PRKAR1B: variants seen among roughly 807,000 people sequenced by gnomAD.
The protein encoded by PRKAR1B is cAMP-dependent protein kinase type I-beta regulatory subunit.
PRKAR1B carries 22 observed loss-of-function variants against 46.5 expected under a neutral mutation model. The ratio of observed to expected loss-of-function variants is 0.47; its 90% confidence interval spans 0.34 to 0.68. PRKAR1B has a LOEUF of 0.68. Among genes scored for constraint, PRKAR1B ranks in the 30% least tolerant of loss-of-function variants. The pLI, the probability that PRKAR1B is intolerant of heterozygous loss-of-function variation, is 0.01. For synonymous variants in PRKAR1B, 259 were observed against 217.7 expected (o/e 1.19, Z -1.67); for missense variants, 445 against 535.6 (o/e 0.83, Z 1.67).
intron 4 of PRKAR1B, among the ~76,000 whole-genome samples, chr7:665,738 G>C (rs1269670345): frequency 1.3e-5 from 2 of 152,240 alleles, no homozygotes; most frequent in Non-Finnish European, 2.9e-5. Flanking sequence ...AGAATGGGGA[G>C]AGGGGGCCGT....
intron 8 of PRKAR1B, 122 bp downstream of exon 8, chr7:584,386 A>T: frequency 1.3e-6 from 1 of 799,320 alleles, no homozygotes; most frequent in South Asian, 1.5e-5. Context: ...GTTGCACCCC[A>T]AACCTCCATA....
intron 4 of PRKAR1B, among the ~76,000 whole-genome samples, chr7:656,510 T>C (rs929218233): frequency 5.3e-5 from 8 of 152,218 alleles, no homozygotes; most frequent in African/African-American, 1.4e-4. Flanking sequence ...TGTGGATGGA[T>C]GACTAAATGT....
At chr7:701,059 G>T (rs953142744) in intron 2 of PRKAR1B, among the ~76,000 whole-genome samples, 2 of 151,936 alleles carry the variant, frequency 1.3e-5, no homozygotes, top group Non-Finnish European at 2.9e-5. Flanking sequence ...ATGGTGGTGC[G>T]CATCTGCAAT....
At chr7:571,240 CG>C (rs1430548417) in intron 9 of PRKAR1B, among the ~76,000 whole-genome samples, 23 of 152,166 alleles carry the variant, frequency 1.5e-4, no homozygotes, top group African/African-American at 4.8e-4. Context: ...CAGCGCAGGC[CG>C]GGTCTGTCCG....
chr7:707,434 T>G (rs1780386912), intron 2 of PRKAR1B, among the ~76,000 whole-genome samples: 1 of 152,188 alleles, frequency 6.6e-6, no homozygotes, highest in African/African-American at 2.4e-5. Context: ...ACCTGCTATT[T>G]TCACTCAGCA....
At chr7:571,887 A>G (rs2128436950) in intron 9 of PRKAR1B, among the ~76,000 whole-genome samples, 1 of 152,330 alleles carries the variant, frequency 6.6e-6, no homozygotes, top group East Asian at 1.9e-4. Context: ...GGGAGCCCGC[A>G]CAGCCCTGGC....
At chr7:727,293 C>T, upstream of PRKAR1B, 1 of 1,301,684 alleles carries the variant, frequency 7.7e-7, no homozygotes, top group South Asian at 2.2e-5. Flanking sequence ...GCTGCGCCGC[C>T]GCCCTGGCGC....
At chr7:678,274 A>G (rs1778447155) in intron 3 of PRKAR1B, among the ~76,000 whole-genome samples, 1 of 152,176 alleles carries the variant, frequency 6.6e-6, no homozygotes, top group South Asian at 2.1e-4. Flanking sequence ...GTCTCAAAAA[A>G]ATAAACAAAT....
chr7:580,759 A>C (rs916790221), intron 8 of PRKAR1B, among the ~76,000 whole-genome samples: 14 of 152,000 alleles, frequency 9.2e-5, no homozygotes, highest in Non-Finnish European at 1.5e-4. Flanking sequence ...AAAAAAAAAA[A>C]AAAACAAACG....
In PRKAR1B at chr7:704,407, A is replaced by T. The variant is rs537330365; in HGVS notation, c.177+6922T>A. 5.3e-5 allele frequency among the ~76,000 whole-genome samples: 8 copies of T among 152,334 alleles called. No homozygotes were observed. In the East Asian group the frequency reaches 1.2e-3, roughly 22 times the overall value. On this transcript the variant is annotated intron_variant, in intron 2 of 10. Transcript: ENST00000537384. ...ATGAAATAATACAAACACTACAGAC[A>T]TTAAAAGGATGAGGTAATATTACTC...
chr7:647,918 G>C (rs1314037721), intron 4 of PRKAR1B, among the ~76,000 whole-genome samples: 1 of 148,698 alleles, frequency 6.7e-6, no homozygotes, highest in Non-Finnish European at 1.5e-5. Context: ...CCGGTGCTTT[G>C]AGACGCTGCT....
At chr7:654,057 A>G (rs1258228714) in intron 4 of PRKAR1B, among the ~76,000 whole-genome samples, 4 of 149,642 alleles carry the variant, frequency 2.7e-5, no homozygotes, top group African/African-American at 9.9e-5. Flanking sequence ...TCACTTCACA[A>G]TCACCATCTT....
chr7:707,189 G>A (rs1373610889), intron 2 of PRKAR1B, among the ~76,000 whole-genome samples: 2 of 152,150 alleles, frequency 1.3e-5, no homozygotes, highest in East Asian at 3.9e-4. Context: ...CCAGTTAAAC[G>A]CACCCACATG....
intron 4 of PRKAR1B, among the ~76,000 whole-genome samples, chr7:650,752 C>T (rs1289231846): frequency 2.6e-5 from 4 of 152,186 alleles, no homozygotes; most frequent in East Asian, 3.9e-4. Context: ...GCAAAGGTCA[C>T]GTGGCCCACA....
intron 4 of PRKAR1B, among the ~76,000 whole-genome samples, chr7:671,511 T>C (rs898175754): frequency 6.6e-6 from 1 of 152,038 alleles, no homozygotes; most frequent in Non-Finnish European, 1.5e-5. Context: ...CAGGCTAGAG[T>C]GTAGCGACAC....
intron 2 of PRKAR1B, among the ~76,000 whole-genome samples, chr7:697,520 T>C (rs1252467979): frequency 6.6e-6 from 1 of 152,120 alleles, no homozygotes; most frequent in Non-Finnish European, 1.5e-5. Context: ...ATGAGTGGTG[T>C]TTCTGGACCA....
intron 4 of PRKAR1B, 66 bp downstream of exon 4, chr7:677,163 C>G (rs1028527093): frequency 4.0e-6 from 6 of 1,494,750 alleles, no homozygotes; most frequent in Non-Finnish European, 5.6e-6. Context: ...AGTGGCGGGA[C>G]CTGCCCACCT....
intron 5 of PRKAR1B, among the ~76,000 whole-genome samples, chr7:607,009 C>T (rs1434616231): frequency 1.3e-5 from 2 of 151,880 alleles, no homozygotes; most frequent in Non-Finnish European, 2.9e-5. Context: ...CTATATATAT[C>T]CTTTTGAAAT....
rs1778625283 is a variant in PRKAR1B at position 680,675 on chromosome 7, A to C, written c.229T>G (p.Ser77Ala). 1.2e-6 allele frequency: 2 copies of C among 1,613,750 alleles called. No individual in the cohort carries two copies. Among genetic ancestry groups the C allele is most frequent in the Non-Finnish European group, 1.7e-6 (2 of 1,179,926 alleles). ...ARQKSNSQSD[S>A]HDEEVSPTPP... is the part of the protein sequence containing the mutation. ...GTGGGCGACACCTCCTCATCATGGG[A>C]GTCCGACTGTGAGTTTGACTTTTGC... Residue 77 changes from serine (S) to alanine (A), a missense_variant, in exon 3 of 11, where the codon TCC (serine) becomes GCC (alanine). Physicochemically the swap from Ser to Ala is moderately conservative, Grantham distance 99 (BLOSUM62 1). Transcript: ENST00000537384.
Sources: gnomAD v4.1 joint callset for allele counts (sites outside exome capture counted in the v4.1 genomes callset) on GRCh38, gnomAD v4.1.1 for gene constraint, MANE v1.5 for transcripts, NCBI Gene and HGNC (gene_info 2026-07-23, HGNC 2026-07-21) for gene names.